The following DHRSX variants were observed in gnomAD, a reference collection of about 807,000 sequenced individuals.
The protein encoded by DHRSX is polyprenol dehydrogenase.
A neutral mutation model predicts 34.0 loss-of-function variants in DHRSX; 31 were observed. The ratio of observed to expected loss-of-function variants is 0.91; its 90% CI spans 0.69 to 1.23. The LOEUF (loss-of-function observed/expected upper bound fraction) is 1.23. DHRSX is among the 50% of genes most tolerant of loss of function. The pLI, the probability that DHRSX is intolerant of heterozygous loss-of-function variation, is 0.00. For synonymous variants in DHRSX, 201 were observed against 183.8 expected (o/e 1.09, Z -0.76); for missense variants, 414 against 428.1 (o/e 0.97, Z 0.29).
chrX:2,359,340 G>A (rs949128305), intron 3 of DHRSX, among the ~76,000 whole-genome samples: 1 of 152,162 alleles, frequency 6.6e-6, no homozygotes, highest in African/African-American at 2.4e-5. Flanking sequence ...GCAAAGACAT[G>A]GGATCAATCT....
chrX:2,427,040 G>A (rs2066054543), intron 1 of DHRSX, among the ~76,000 whole-genome samples: 1 of 152,210 alleles, frequency 6.6e-6, no homozygotes, highest in Non-Finnish European at 1.5e-5. Flanking sequence ...ATACACAGAT[G>A]TGTCTGGCAA....
intron 3 of DHRSX, among the ~76,000 whole-genome samples, chrX:2,317,881 A>G (rs1457560769): frequency 6.6e-6 from 1 of 152,162 alleles, no homozygotes; most frequent in African/African-American, 2.4e-5. Context: ...TTTGTCCCAC[A>G]CTTGTGAAGA....
chrX:2,416,169 C>T lies in DHRSX; in HGVS notation c.218-7356G>A, dbSNP rs777623547. Among the ~76,000 whole-genome samples, 14 of 152,084 alleles carry T rather than the reference C, an allele frequency of 9.2e-5. No individual in the cohort carries two copies. The East Asian group carries it at 1.7e-3, about 19-fold the overall frequency. ...CTAATACAACTTGATCTCATCCTGA[C>T]CAACACAACTAGTCCTCATTATAGC... On this transcript the variant is annotated intron_variant, in intron 2 of 6. Coordinates refer to ENST00000334651, the MANE Select transcript of DHRSX (RefSeq NM_145177.3).
At chrX:2,380,456 C>T (rs903143158) in intron 3 of DHRSX, among the ~76,000 whole-genome samples, 3 of 151,614 alleles carry the variant, frequency 2.0e-5, no homozygotes, top group Non-Finnish European at 4.4e-5. Flanking sequence ...ATGGTCTCTA[C>T]AGGTCCTACT....
intron 5 of DHRSX, among the ~76,000 whole-genome samples, chrX:2,244,011 T>TC (rs1380050379): frequency 2.0e-5 from 3 of 151,764 alleles, no homozygotes; most frequent in African/African-American, 7.3e-5. Flanking sequence ...CCTCGGGTGA[T>TC]CCACCCTCCT....
chrX:2,337,931 G>A (rs770376153), intron 3 of DHRSX: 1 of 150,304 alleles, frequency 6.7e-6, no homozygotes, highest in African/African-American at 2.5e-5. Context: ...GATCAGCGTT[G>A]GTTTTCCAAG....
rs192912795 is a variant in DHRSX, at chrX:2,395,553, A to G, written c.286+13192T>C. On this transcript the variant is annotated intron_variant, in intron 3 of 6. Transcript: ENST00000334651. ...TTGGAAACATGTAGCGCCTCCTGTC[A>G]TGCCCCATCGGTGACCAGAGAGGAC... Among the ~76,000 whole-genome samples the G allele has an allele frequency of 3.1e-3, 475 of 152,198 alleles. 2 individuals carry two copies. The highest frequency in any genetic ancestry group is 7.9e-3 in the South Asian group (38 of 4,816).
chrX:2,335,582 C>T (rs1341383096), intron 3 of DHRSX, among the ~76,000 whole-genome samples: 1 of 151,412 alleles, frequency 6.6e-6, no homozygotes, highest in African/African-American at 2.4e-5. Flanking sequence ...TCCCGAGTAG[C>T]CGGGACTACA....
intron 1 of DHRSX, among the ~76,000 whole-genome samples, chrX:2,463,887 G>T (rs2044439341): frequency 1.3e-5 from 2 of 152,116 alleles, no homozygotes; most frequent in African/African-American, 4.8e-5. Context: ...CACCGAGTAC[G>T]AACTGAAGAC....
intron 1 of DHRSX, among the ~76,000 whole-genome samples, chrX:2,449,973 G>GC (rs1479600071): frequency 6.6e-6 from 1 of 151,900 alleles, no homozygotes; most frequent in Non-Finnish European, 1.5e-5. Context: ...AGACACAAAT[G>GC]CCCCCCTGCT....
chrX:2,402,230 C>G (rs766676279), intron 3 of DHRSX, among the ~76,000 whole-genome samples: 1 of 152,194 alleles, frequency 6.6e-6, no homozygotes, highest in Non-Finnish European at 1.5e-5. Flanking sequence ...TACCCGATGC[C>G]GGGATCCCAG....
chrX:2,399,108 C>T (rs1449125390), intron 3 of DHRSX, among the ~76,000 whole-genome samples: 1 of 135,104 alleles, frequency 7.4e-6, no homozygotes, highest in African/African-American at 2.9e-5. Context: ...CCCGCCTCGG[C>T]CATAGAGATT....
intron 1 of DHRSX, among the ~76,000 whole-genome samples, chrX:2,431,250 G>T (rs1603086253): frequency 6.6e-6 from 1 of 151,398 alleles, no homozygotes; most frequent in East Asian, 1.9e-4. Flanking sequence ...GCGTGAACCT[G>T]GGAGGTAGAG....
At chrX:2,256,031 T>TTTC (rs1487519608) in intron 5 of DHRSX, among the ~76,000 whole-genome samples, 1 of 149,060 alleles carries the variant, frequency 6.7e-6, no homozygotes, top group Admixed American at 6.6e-5. Flanking sequence ...TTTTTTTTTT[T>TTTC]CTCTCCAGGC....
intron 1 of DHRSX, among the ~76,000 whole-genome samples, chrX:2,437,692 AGAG>A (rs1273290790): frequency 5.0e-5 from 4 of 79,608 alleles, no homozygotes; most frequent in African/African-American, 1.7e-4. Flanking sequence ...AGAGAGAGAG[AGAG>A]AGAGTGTGTG....
rs779386420 is a variant in DHRSX at position 2,256,548 on chromosome X, G to A, written c.596+10192C>T. Among the ~76,000 whole-genome samples the A allele has an allele frequency of 4.0e-5, 6 of 151,726 alleles. No individual in the cohort carries two copies. The South Asian group carries it at 1.0e-3, about 26-fold the overall frequency. ...TGACCTCAGGTGATACGCCCGCCTC[G>A]GCCTCCCAAAGTGCTTTCTATTGAA... On this transcript the variant is annotated intron_variant, in intron 5 of 6. Transcript: ENST00000334651.
intron 1 of DHRSX, among the ~76,000 whole-genome samples, chrX:2,445,183 C>T (rs1041101648): frequency 3.3e-5 from 5 of 151,978 alleles, no homozygotes; most frequent in African/African-American, 1.2e-4. Context: ...TAGATAGTAC[C>T]GGACACGCTG....
At chrX:2,286,646 G>T (rs377661417) in intron 4 of DHRSX, among the ~76,000 whole-genome samples, 1 of 151,204 alleles carries the variant, frequency 6.6e-6, no homozygotes, top group African/African-American at 2.4e-5. Flanking sequence ...CTCCAAAAGC[G>T]AAGTCTCCAG....
chrX:2,336,481 G>C (rs1318485481), intron 3 of DHRSX: 2 of 152,194 alleles, frequency 1.3e-5, no homozygotes, highest in African/African-American at 4.8e-5. Flanking sequence ...CAGCAAAGAA[G>C]AATGCCAGTT....
Sources: allele counts gnomAD v4.1 joint callset (sites outside exome capture counted in the v4.1 genomes callset), GRCh38; gene constraint gnomAD v4.1.1; transcripts MANE v1.5; gene names NCBI Gene and HGNC (gene_info 2026-07-23, HGNC 2026-07-21).